Variants in CHST8 observed in about 807,000 individuals in gnomAD.
The protein encoded by CHST8 is GALNAC-4-ST1.
In CHST8, 10 loss-of-function variants were observed where a neutral mutation model predicts 15.0. The ratio of observed to expected loss-of-function variants is 0.67; its 90% CI spans 0.41 to 1.13. The LOEUF (loss-of-function observed/expected upper bound fraction) is 1.13, where lower values mean the gene tolerates loss of function less well. Ranked by LOEUF, CHST8 falls within the 50% of genes most tolerant of loss-of-function variation. CHST8 has a pLI of 0.00. For missense variants in CHST8, 634 were observed against 608.2 expected, an observed-to-expected ratio of 1.04 and a Z score of -0.45; for synonymous variants, 259 against 256.6, an observed-to-expected ratio of 1.01 and a Z score of -0.09.
At chr19:33,712,427 AC>A (rs1973572589) in intron 3 of CHST8, among the ~76,000 whole-genome samples, 1 of 152,006 alleles carries the variant, frequency 6.6e-6, no homozygotes, top group Non-Finnish European at 1.5e-5. Context: ...AGGTGAGGTG[AC>A]CCCTGGTTGC....
At chr19:33,762,441 C>A (rs1974752842) in intron 3 of CHST8, among the ~76,000 whole-genome samples, 1 of 152,240 alleles carries the variant, frequency 6.6e-6, no homozygotes, top group Non-Finnish European at 1.5e-5. Context: ...CAGGAACCAC[C>A]CAGCTGAATC....
chr19:33,714,441 C>A (rs764818104), intron 3 of CHST8, among the ~76,000 whole-genome samples: 1 of 152,138 alleles, frequency 6.6e-6, no homozygotes, highest in Non-Finnish European at 1.5e-5. Context: ...GGGAGCTAAA[C>A]GATGGGTACC....
At chr19:33,760,911 C>T (rs1171731320) in intron 3 of CHST8, among the ~76,000 whole-genome samples, 1 of 152,222 alleles carries the variant, frequency 6.6e-6, no homozygotes. Flanking sequence ...GCCACACTAT[C>T]CCATTCCTGG....
chr19:33,691,481 T>C (rs567987724), intron 3 of CHST8, among the ~76,000 whole-genome samples: 1 of 152,352 alleles, frequency 6.6e-6, no homozygotes, highest in Admixed American at 6.5e-5. Flanking sequence ...CACAGGCTGT[T>C]TGTGTTGATT....
At chr19:33,727,871 C>A (rs1973930354) in intron 3 of CHST8, among the ~76,000 whole-genome samples, 1 of 152,230 alleles carries the variant, frequency 6.6e-6, no homozygotes, top group Non-Finnish European at 1.5e-5. Flanking sequence ...TCTTTTTCGG[C>A]CTCCACTGAC....
At chr19:33,755,385 G>A (rs932970466) in intron 3 of CHST8, among the ~76,000 whole-genome samples, 1 of 152,194 alleles carries the variant, frequency 6.6e-6, no homozygotes, top group Non-Finnish European at 1.5e-5. Flanking sequence ...TATTTTGTTT[G>A]GAGCTGTAAT....
At chr19:33,683,400 T>G (rs917369688) in intron 2 of CHST8, among the ~76,000 whole-genome samples, 1 of 152,210 alleles carries the variant, frequency 6.6e-6, no homozygotes, top group African/African-American at 2.4e-5. Context: ...CATACTGACA[T>G]GAGGAGGCAA....
chr19:33,728,181 T>C (rs566825627), intron 3 of CHST8, among the ~76,000 whole-genome samples: 2 of 152,398 alleles, frequency 1.3e-5, no homozygotes, highest in African/African-American at 4.8e-5. Context: ...TCAGTTACTC[T>C]TTCATGTAAA....
intron 1 of CHST8, among the ~76,000 whole-genome samples, chr19:33,628,651 G>A (rs73585456): frequency 7.5e-4 from 115 of 152,328 alleles, no homozygotes; most frequent in African/African-American, 2.6e-3. Flanking sequence ...CACAAAGCAG[G>A]CACTGTAACA....
At chr19:33,717,592 G>GA (rs777490718) in intron 3 of CHST8, among the ~76,000 whole-genome samples, 2 of 152,100 alleles carry the variant, frequency 1.3e-5, no homozygotes, top group Non-Finnish European at 2.9e-5. Flanking sequence ...AAATTCCTGG[G>GA]AAAAAAGTGG....
intron 3 of CHST8, among the ~76,000 whole-genome samples, chr19:33,691,816 C>T (rs1200563593): frequency 5.3e-5 from 8 of 152,202 alleles, no homozygotes; most frequent in Admixed American, 5.2e-4. Context: ...ATCAGGCAAA[C>T]AGGCAGGTGT....
At chr19:33,695,821 C>CTTTTTTTT (rs55695414) in intron 3 of CHST8, among the ~76,000 whole-genome samples, 153 of 76,174 alleles carry the variant, frequency 2.0e-3, no homozygotes, top group Non-Finnish European at 2.6e-3. Flanking sequence ...TTCTTTCTTT[C>CTTTTTTTT]TTTTTTTTTT....
intron 3 of CHST8, among the ~76,000 whole-genome samples, chr19:33,771,067 G>A (rs1002076209): frequency 2.6e-5 from 4 of 152,188 alleles, no homozygotes; most frequent in African/African-American, 9.7e-5. Context: ...GGGTGCAGGA[G>A]GAGGTGGCCT....
chr19:33,689,072 CAGAGTCAT>C (rs1973043764), intron 2 of CHST8, 96 bp from the exon 3 acceptor site: 2 of 543,868 alleles, frequency 3.7e-6, no homozygotes, highest in Middle Eastern at 5.0e-4. Context: ...TTGTAGAGGG[CAGAGTCAT>C]CCGGGGATTG....
intron 1 of CHST8, among the ~76,000 whole-genome samples, chr19:33,646,404 G>A (rs531871342): frequency 1.3e-5 from 2 of 152,278 alleles, no homozygotes; most frequent in African/African-American, 4.8e-5. Flanking sequence ...ACTGGTTCAG[G>A]TGGCACCAGC....
intron 3 of CHST8, among the ~76,000 whole-genome samples, chr19:33,724,162 T>C (rs942101909): frequency 6.6e-6 from 1 of 152,148 alleles, no homozygotes; most frequent in Non-Finnish European, 1.5e-5. Flanking sequence ...AGGCAGCTGC[T>C]CTGGCCTCAA....
rs530334678 is a variant in CHST8 at position 33,657,126 on chromosome 19, TACACACAC to T, written c.-163-10617_-163-10610del. On this transcript the variant is annotated intron_variant, in intron 1 of 4. Coordinates refer to ENST00000650847, the MANE Select transcript of CHST8 (RefSeq NM_001127895.2). ...TTGTGATTGCCACTTTTTGCTTTAT[TACACACAC>T]ACACACACACACACACACACACAAA... is the stretch of plus-strand genomic sequence containing the variant. Among the ~76,000 whole-genome samples the T allele has an allele frequency of 4.7e-4, 60 of 127,902 alleles. 1 individual carries two copies. The highest frequency in any genetic ancestry group is 1.5e-3 in the African/African-American group (54 of 36,874). 83.9% of individuals were successfully genotyped at this position (127,902 alleles called of 152,430 possible).
chr19:33,757,659 G>C (rs1190135977), intron 3 of CHST8, among the ~76,000 whole-genome samples: 1 of 151,718 alleles, frequency 6.6e-6, no homozygotes, highest in African/African-American at 2.4e-5. Flanking sequence ...ATCCAGGGGA[G>C]GTGATGTCCC....
chr19:33,628,276 C>T (rs1412320750), intron 1 of CHST8, among the ~76,000 whole-genome samples: 1 of 152,290 alleles, frequency 6.6e-6, no homozygotes, highest in South Asian at 2.1e-4. Context: ...AGGCCCATGT[C>T]GCCAGCAGAG....
Sources: allele counts gnomAD v4.1 joint callset (sites outside exome capture counted in the v4.1 genomes callset), GRCh38; gene constraint gnomAD v4.1.1; transcripts MANE v1.5; gene names NCBI Gene and HGNC (gene_info 2026-07-23, HGNC 2026-07-21).